ARHGEF38: variants seen among roughly 807,000 people sequenced by gnomAD.
The protein encoded by ARHGEF38 is Rho guanine nucleotide exchange factor (GEF) 38.
Under a neutral mutation model 79.9 loss-of-function variants are expected in ARHGEF38, and 79 were observed. The ratio of observed to expected loss-of-function variants is 0.99; its 90% CI spans 0.82 to 1.19. ARHGEF38 has a LOEUF of 1.19. Ranked by LOEUF, ARHGEF38 falls within the 50% of genes most tolerant of loss-of-function variation. ARHGEF38 has a pLI of 0.00. For missense variants in ARHGEF38, 962 were observed against 907.2 expected, an observed-to-expected ratio of 1.06 and a Z score of -0.78; for synonymous variants, 366 against 328.3, an observed-to-expected ratio of 1.11 and a Z score of -1.24.
intron 1 of ARHGEF38, among the ~76,000 whole-genome samples, chr4:105,585,726 C>CTTTTTGTTTTT (rs1727004067): frequency 1.4e-5 from 1 of 71,504 alleles, no homozygotes. Flanking sequence ...CCCTCCGTTG[C>CTTTTTGTTTTT]TTTTTTTTTT....
In ARHGEF38 at chr4:105,679,430, G is replaced by A; in HGVS notation, c.*1493G>A. ...GCTTTCTAAGTTCTTTCCAAGCACA[G>A]CTGACATCCTGTATTTCCTCTAGGC... is the stretch of plus-strand genomic sequence containing the variant. On this transcript the variant is annotated 3_prime_UTR_variant, in exon 14 of 14. Coordinates refer to ENST00000420470, the MANE Select transcript of ARHGEF38 (RefSeq NM_001242729.2). 1 of 1,586,178 alleles carries A rather than the reference G, an allele frequency of 6.3e-7. No homozygotes were observed. Among genetic ancestry groups the A allele is most frequent in the African/African-American group, 1.3e-5 (1 of 74,420 alleles).
chr4:105,591,954 G>A (rs1485323171), intron 2 of ARHGEF38, among the ~76,000 whole-genome samples: 1 of 152,158 alleles, frequency 6.6e-6, no homozygotes, highest in East Asian at 1.9e-4. Flanking sequence ...TAAACCAGAT[G>A]TATTTGATAT....
chr4:105,557,011 C>T (rs140638346), intron 1 of ARHGEF38, among the ~76,000 whole-genome samples: 19 of 152,228 alleles, frequency 1.2e-4, no homozygotes, highest in Non-Finnish European at 2.5e-4. Context: ...GTGACAAGAG[C>T]CATCTTAACT....
At chr4:105,588,236 C>T (rs967928705) in intron 1 of ARHGEF38, among the ~76,000 whole-genome samples, 9 of 152,164 alleles carry the variant, frequency 5.9e-5, no homozygotes, top group Admixed American at 5.9e-4. Context: ...TGTAAAGTCC[C>T]ACATTCTCAG....
intron 2 of ARHGEF38, 84 bp downstream of exon 2, chr4:105,589,519 A>C: frequency 8.3e-7 from 1 of 1,198,970 alleles, no homozygotes; most frequent in South Asian, 1.6e-5. Context: ...ACTCAGGTGT[A>C]TCAATGGGAT....
intron 5 of ARHGEF38, among the ~76,000 whole-genome samples, chr4:105,643,781 CA>C (rs1479856747): frequency 6.6e-6 from 1 of 151,936 alleles, no homozygotes; most frequent in Non-Finnish European, 1.5e-5. Flanking sequence ...TGTATTTCTC[CA>C]CATTGTGTGC....
At chr4:105,661,379 AC>A (rs1433834260) in intron 10 of ARHGEF38, among the ~76,000 whole-genome samples, 1 of 151,814 alleles carries the variant, frequency 6.6e-6, no homozygotes, top group African/African-American at 2.4e-5. Flanking sequence ...TCTATGTTTA[AC>A]CTTTTGAAAA....
At position 105,666,211 on chromosome 4, in the gene ARHGEF38, AG is replaced by A. The variant is rs1225109072; in HGVS notation, c.1581del (p.Asn528IlefsTer4). 19 of 1,530,534 alleles carry A rather than the reference AG, an allele frequency of 1.2e-5. No homozygotes were observed. The highest frequency in any genetic ancestry group is 1.7e-5 in the Non-Finnish European group (19 of 1,145,292). The allele number at this position is 1,530,534 out of a possible 1,614,324, so 94.8% of individuals were successfully genotyped here. A position where few individuals can be genotyped will look rare whatever the true frequency, so the allele number is the denominator to read the frequency against. On this transcript the variant is annotated frameshift_variant, in exon 11 of 14. Transcript: ENST00000420470. LOFTEE classifies it high-confidence loss of function. ...PLLVSSISEIQNQVLEEIQNL... is the reference protein window; with the variant it reads ...PLLVSSISEIXNQVLEEIQNL... ...TTGGTTTCAAGCATTTCTGAGATTCAGAATCAAGTACTAGAAGAGATCCAAA... is the reference window on the plus strand; with the variant it reads ...TTGGTTTCAAGCATTTCTGAGATTCAAATCAAGTACTAGAAGAGATCCAAA...
At chr4:105,660,659 C>T (rs1222979010) in intron 10 of ARHGEF38, among the ~76,000 whole-genome samples, 4 of 152,086 alleles carry the variant, frequency 2.6e-5, no homozygotes, top group African/African-American at 7.2e-5. Flanking sequence ...AGGCTGGTCT[C>T]GAACTTCTGA....
chr4:105,574,045 CTGA>C (rs1221282726), intron 1 of ARHGEF38, among the ~76,000 whole-genome samples: 5 of 152,088 alleles, frequency 3.3e-5, no homozygotes, highest in Non-Finnish European at 7.4e-5. Flanking sequence ...AGAAATGCAA[CTGA>C]TTTTTGTGTG....
chr4:105,601,901 A>T lies in ARHGEF38; in HGVS notation c.385-11483A>T, dbSNP rs141957502. 5.3e-4 allele frequency among the ~76,000 whole-genome samples: 81 copies of T among 152,266 alleles called. 2 individuals carry two copies. The East Asian group carries it at 0.014, about 26-fold the overall frequency. The stretch of plus-strand genomic sequence containing the variant: ...AACATTTAACCCTATATTTAATACA[A>T]TATATTTTCCTTACTTATCTTGTTT... On this transcript the variant is annotated intron_variant, in intron 2 of 13. Transcript: ENST00000420470.
intron 7 of ARHGEF38, among the ~76,000 whole-genome samples, chr4:105,650,300 G>A (rs1352771976): frequency 6.6e-6 from 1 of 152,046 alleles, no homozygotes; most frequent in East Asian, 1.9e-4. Flanking sequence ...CAATTCTTAG[G>A]GATAGCAAAT....
At chr4:105,577,256 C>G (rs1726550388) in intron 1 of ARHGEF38, among the ~76,000 whole-genome samples, 1 of 112,588 alleles carries the variant, frequency 8.9e-6, no homozygotes, top group African/African-American at 3.4e-5. Flanking sequence ...CCCCCCTCCC[C>G]CCACCCCACA....
At chr4:105,672,778 C>T (rs1403041994) in intron 13 of ARHGEF38, among the ~76,000 whole-genome samples, 1 of 152,196 alleles carries the variant, frequency 6.6e-6, no homozygotes, top group African/African-American at 2.4e-5. Flanking sequence ...CTTCCCAGCT[C>T]ATGGTCATTG....
intron 1 of ARHGEF38, among the ~76,000 whole-genome samples, chr4:105,570,531 A>C (rs748171899): frequency 2.0e-5 from 3 of 152,128 alleles, no homozygotes; most frequent in Non-Finnish European, 4.4e-5. Flanking sequence ...AGAGGAAGCA[A>C]ACACATCCTT....
intron 11 of ARHGEF38, 39 bp from the exon 12 acceptor site, chr4:105,667,090 G>T (rs1438481459): frequency 6.8e-7 from 1 of 1,464,406 alleles, no homozygotes; most frequent in Non-Finnish European, 9.1e-7. Flanking sequence ...ATTTTATTAT[G>T]TATCTGTCTA....
chr4:105,575,016 A>G (rs1560694851), intron 1 of ARHGEF38, among the ~76,000 whole-genome samples: 2 of 10,502 alleles, frequency 1.9e-4, no homozygotes, highest in Non-Finnish European at 1.5e-3. Flanking sequence ...ACATATATAC[A>G]CACACACACA....
intron 5 of ARHGEF38, among the ~76,000 whole-genome samples, chr4:105,640,289 A>T (rs1369671411): frequency 6.6e-6 from 1 of 152,044 alleles, no homozygotes; most frequent in East Asian, 1.9e-4. Context: ...GTGATTACTT[A>T]TTTTTCTATG....
chr4:105,681,012 A>G (rs545963632), downstream of ARHGEF38: 1 of 152,320 alleles, frequency 6.6e-6, no homozygotes, highest in South Asian at 2.1e-4. Context: ...TTTGAACTAT[A>G]AACAATTATG....
Sources: gnomAD v4.1 joint callset for allele counts (sites outside exome capture counted in the v4.1 genomes callset) on GRCh38, gnomAD v4.1.1 for gene constraint, MANE v1.5 for transcripts, NCBI Gene and HGNC (gene_info 2026-07-23, HGNC 2026-07-21) for gene names.